Variants in CHRM3 observed in about 807,000 individuals in gnomAD.
CHRM3 encodes the protein cholinergic receptor muscarinic 3.
Under a neutral mutation model 41.8 loss-of-function variants are expected in CHRM3, and 11 were observed. The ratio of observed to expected loss-of-function variants is 0.26; its 90% CI spans 0.17 to 0.44. The LOEUF (loss-of-function observed/expected upper bound fraction) is 0.44. Among genes scored for constraint, CHRM3 ranks in the 20% least tolerant of loss-of-function variants. CHRM3 has a pLI of 1.00. For missense variants in CHRM3, 571 were observed against 745.4 expected (o/e 0.77, Z 2.72); for synonymous variants, 297 against 301.4 (o/e 0.99, Z 0.15).
chr1:239,660,680 G>A (rs1003368186), intron 4 of CHRM3, among the ~76,000 whole-genome samples: 1 of 151,972 alleles, frequency 6.6e-6, no homozygotes, highest in Non-Finnish European at 1.5e-5. Flanking sequence ...GCCAGGAGTT[G>A]GAGACCAGCC....
In CHRM3 at chr1:239,761,755, G is replaced by A. The variant is rs569275403; in HGVS notation, c.-146-65497G>A. ...AGATTGCTCCTGCAGCTTCTTCCCA[G>A]TGGTCCTGTCCCTGGACGCAGGTGG... On this transcript the variant is annotated intron_variant, in intron 5 of 6. Coordinates refer to ENST00000676153, the MANE Select transcript of CHRM3 (RefSeq NM_001375978.1). Among the ~76,000 whole-genome samples the A allele has an allele frequency of 2.0e-5, 3 of 152,310 alleles. No homozygotes were observed. In the South Asian group the frequency reaches 6.2e-4, roughly 32 times the overall value.
intron 3 of CHRM3, among the ~76,000 whole-genome samples, chr1:239,580,704 T>TATATATATATATATATATATATACACAC (rs570878631): frequency 3.1e-5 from 4 of 131,084 alleles, no homozygotes; most frequent in African/African-American, 1.1e-4. Context: ...TATATATATA[T>TATATATATATATATATATATATACACAC]ACACACACAC....
chr1:239,393,299 T>G (rs1374640361), intron 1 of CHRM3, among the ~76,000 whole-genome samples: 5 of 152,224 alleles, frequency 3.3e-5, no homozygotes, highest in African/African-American at 7.2e-5. Flanking sequence ...AAAATGTTAT[T>G]GAACACAGTC....
chr1:239,715,358 A>G (rs1456533959), intron 5 of CHRM3, among the ~76,000 whole-genome samples: 1 of 152,114 alleles, frequency 6.6e-6, no homozygotes. Context: ...TTTTGTTTTG[A>G]GAAGGCGTGT....
At chr1:239,584,571 G>A (rs1464404713) in intron 3 of CHRM3, among the ~76,000 whole-genome samples, 4 of 152,188 alleles carry the variant, frequency 2.6e-5, no homozygotes, top group Non-Finnish European at 5.9e-5. Context: ...AAGAAAAGAA[G>A]AGAGGTAAGA....
intron 1 of CHRM3, among the ~76,000 whole-genome samples, chr1:239,439,737 G>A (rs1411783247): frequency 6.6e-6 from 1 of 152,038 alleles, no homozygotes; most frequent in Non-Finnish European, 1.5e-5. Context: ...TTATGCCTGG[G>A]GTCTTTGTAC....
In CHRM3 at chr1:239,450,549, A is replaced by G. The variant is rs577762480; in HGVS notation, c.-520-42160A>G. On this transcript the variant is annotated intron_variant, in intron 1 of 6. Transcript: ENST00000676153. Reference sequence around the variant, plus strand: ...TTAATAGCTCCTCTTTTTTTTGGCCATTGGGGCTGCTTAAAATATTATAAG... The same window carrying G: ...TTAATAGCTCCTCTTTTTTTTGGCCGTTGGGGCTGCTTAAAATATTATAAG... 5.3e-5 allele frequency among the ~76,000 whole-genome samples: 8 copies of G among 151,916 alleles called. No homozygotes were observed. The South Asian group carries it at 1.0e-3, about 20-fold the overall frequency.
rs570582027 is a variant in CHRM3, at chr1:239,615,114, A to G, written c.-312-17110A>G. The stretch of plus-strand genomic sequence containing the variant: ...GGGAGGTCAGGCTTTGAAAAAGCAT[A>G]TTAGTGCTAGCCACCCTTTGGGCAC... On this transcript the variant is annotated intron_variant, in intron 3 of 6. Transcript: ENST00000676153. Among the ~76,000 whole-genome samples, 26 of 152,320 alleles carry G rather than the reference A, an allele frequency of 1.7e-4. No individual in the cohort carries two copies. In the South Asian group the frequency reaches 1.9e-3, roughly 11 times the overall value.
intron 1 of CHRM3, among the ~76,000 whole-genome samples, chr1:239,389,833 C>T (rs1028922872): frequency 1.3e-5 from 2 of 152,174 alleles, no homozygotes; most frequent in Non-Finnish European, 2.9e-5. Flanking sequence ...ATGGCCTGGA[C>T]GATTCCAGTG....
intron 1 of CHRM3, among the ~76,000 whole-genome samples, chr1:239,489,595 TC>T (rs1406535461): frequency 1.3e-5 from 2 of 152,188 alleles, no homozygotes; most frequent in Non-Finnish European, 2.9e-5. Context: ...AGTGAGCTGA[TC>T]ATCTATTTAT....
intron 4 of CHRM3, among the ~76,000 whole-genome samples, chr1:239,652,534 T>C (rs2148973696): frequency 6.6e-6 from 1 of 152,314 alleles, no homozygotes; most frequent in South Asian, 2.1e-4. Flanking sequence ...TTTTTTACTA[T>C]TTTTTTCTCT....
chr1:239,553,341 C>T (rs990330263), intron 3 of CHRM3, among the ~76,000 whole-genome samples: 6 of 151,964 alleles, frequency 3.9e-5, no homozygotes, highest in African/African-American at 1.5e-4. Context: ...CTTCTAAACT[C>T]ATAATTAAAG....
At chr1:239,679,655 C>A (rs10925949) in intron 5 of CHRM3, among the ~76,000 whole-genome samples, 50,568 of 151,854 alleles carry the variant, frequency 0.33, 8,781 homozygotes, top group Middle Eastern at 0.49. Flanking sequence ...AGATTAATGT[C>A]CCTGATTTAA....
intron 3 of CHRM3, among the ~76,000 whole-genome samples, chr1:239,620,192 A>C (rs2148809618): frequency 6.6e-6 from 1 of 152,204 alleles, no homozygotes; most frequent in South Asian, 2.1e-4. Context: ...AGCGTGTAGT[A>C]GTTTTTACTC....
chr1:239,906,538 C>T (rs1679977765), intron 6 of CHRM3, among the ~76,000 whole-genome samples: 1 of 151,988 alleles, frequency 6.6e-6, no homozygotes, highest in Non-Finnish European at 1.5e-5. Flanking sequence ...ACAGTGACAC[C>T]AAGGAGGTCT....
chr1:239,512,838 A>G (rs1669012751), intron 2 of CHRM3, among the ~76,000 whole-genome samples: 1 of 151,748 alleles, frequency 6.6e-6, no homozygotes, highest in South Asian at 2.1e-4. Context: ...GTTAGAATCA[A>G]GACTGTTGAA....
chr1:239,725,862 C>G (rs1310104123), intron 5 of CHRM3, among the ~76,000 whole-genome samples: 3 of 151,876 alleles, frequency 2.0e-5, no homozygotes, highest in Non-Finnish European at 4.4e-5. Flanking sequence ...AAATGTATAA[C>G]TTGATTATGC....
chr1:239,540,045 G>T (rs2148383497), intron 2 of CHRM3, among the ~76,000 whole-genome samples: 1 of 152,198 alleles, frequency 6.6e-6, no homozygotes, highest in East Asian at 1.9e-4. Context: ...GGTGCAATAG[G>T]GTTTATGATA....
intron 5 of CHRM3, among the ~76,000 whole-genome samples, chr1:239,746,831 C>T (rs1279299936): frequency 6.6e-6 from 1 of 151,852 alleles, no homozygotes; most frequent in African/African-American, 2.4e-5. Context: ...GATCTTGGCT[C>T]ACTGCAACCT....
Sources: allele counts gnomAD v4.1 joint callset (sites outside exome capture counted in the v4.1 genomes callset), GRCh38; gene constraint gnomAD v4.1.1; transcripts MANE v1.5; gene names NCBI Gene and HGNC (gene_info 2026-07-23, HGNC 2026-07-21).